Variants in AGPAT4 observed in about 807,000 individuals in gnomAD.
The protein encoded by AGPAT4 is 1-acylglycerol-3-phosphate O-acyltransferase 4.
In AGPAT4, 15 loss-of-function variants were observed where a neutral mutation model predicts 48.0. The ratio of observed to expected loss-of-function variants is 0.31; its 90% confidence interval spans 0.21 to 0.48. The LOEUF (loss-of-function observed/expected upper bound fraction) is 0.48, where lower values mean the gene tolerates loss of function less well. Ranked by LOEUF, AGPAT4 falls within the 20% of genes least tolerant of loss-of-function variation. The pLI, the probability that AGPAT4 is intolerant of heterozygous loss-of-function variation, is 0.99. For synonymous variants in AGPAT4, 178 were observed against 198.7 expected, an observed-to-expected ratio of 0.90 and a Z score of 0.88; for missense variants, 314 against 482.5, an observed-to-expected ratio of 0.65 and a Z score of 3.27.
chr6:161,211,456 TC>T (rs1250281253), intron 2 of AGPAT4, among the ~76,000 whole-genome samples: 1 of 152,112 alleles, frequency 6.6e-6, no homozygotes, highest in Non-Finnish European at 1.5e-5. Flanking sequence ...TACAGAGGTT[TC>T]TTTGGCAAGA....
chr6:161,203,505 C>T (rs1781299495), intron 2 of AGPAT4, among the ~76,000 whole-genome samples: 1 of 151,666 alleles, frequency 6.6e-6, no homozygotes, highest in Non-Finnish European at 1.5e-5. Context: ...TCTCCTGCCC[C>T]GGCCCCCCAA....
At chr6:161,199,730 C>T (rs1338501989) in intron 2 of AGPAT4, among the ~76,000 whole-genome samples, 6 of 152,138 alleles carry the variant, frequency 3.9e-5, no homozygotes, top group African/African-American at 1.4e-4. Context: ...CGTGCAGCAC[C>T]TCCCCCTTTA....
Position 161,204,533 on chromosome 6 carries a change from G to A in AGPAT4, c.178+27503C>T, listed in dbSNP as rs1366105875. On this transcript the variant is annotated intron_variant, in intron 2 of 8. Coordinates refer to ENST00000320285, the MANE Select transcript of AGPAT4 (RefSeq NM_020133.3). This position sits in a 1 kb window ranked among gnomAD's most constrained non-coding sequence, Gnocchi z 4.4. ...TTCCAGCTATATTTATCCTTCAGCT[G>A]AAGACAATTATCTAGAAACAGCACT... is the stretch of plus-strand genomic sequence containing the variant. Among the ~76,000 whole-genome samples, 2 of 152,234 alleles carry A rather than the reference G, an allele frequency of 1.3e-5. No homozygotes were observed. The highest frequency in any genetic ancestry group is 1.9e-4 in the East Asian group (1 of 5,184).
Position 161,189,010 on chromosome 6 carries a change from C to T in AGPAT4, c.179-22593G>A, listed in dbSNP as rs753826364. 7.2e-5 allele frequency among the ~76,000 whole-genome samples: 11 copies of T among 152,168 alleles called. No homozygotes were observed. Among genetic ancestry groups the T allele is most frequent in the Non-Finnish European group, 1.2e-4 (8 of 68,038 alleles). On this transcript the variant is annotated intron_variant, in intron 2 of 8. Coordinates refer to ENST00000320285, the MANE Select transcript of AGPAT4 (RefSeq NM_020133.3). This position sits in a 1 kb window ranked among gnomAD's most constrained non-coding sequence, Gnocchi z 5.3. ...CCTCTTGCTTTGCTGGCCTCGTGCA[C>T]GTGCAGAACACGTGTTTCTTAGAAT...
chr6:161,145,677 C>T (rs749860055), intron 7 of AGPAT4, among the ~76,000 whole-genome samples: 2 of 151,584 alleles, frequency 1.3e-5, no homozygotes, highest in Non-Finnish European at 2.9e-5. Flanking sequence ...CAGAGGACAT[C>T]CTGCAAAGCT....
chr6:161,230,608 A>G (rs1179841952), intron 2 of AGPAT4, among the ~76,000 whole-genome samples: 1 of 152,172 alleles, frequency 6.6e-6, no homozygotes, highest in East Asian at 1.9e-4. Flanking sequence ...CCCTGTTTGG[A>G]CAAGTTTTTC....
chr6:161,208,728 T>C lies in AGPAT4; in HGVS notation c.178+23308A>G, dbSNP rs1035808531. Among the ~76,000 whole-genome samples, 11 of 152,234 alleles carry C rather than the reference T, an allele frequency of 7.2e-5. 1 individual carries two copies. Among genetic ancestry groups the C allele is most frequent in the Admixed American group, 7.2e-4 (11 of 15,286 alleles). ...GTCTATGTGTTCAAAAGAAAACTAT[T>C]TGGTGCTGATTTATTTAAATAAAAA... On this transcript the variant is annotated intron_variant, in intron 2 of 8. Transcript: ENST00000320285. The surrounding 1 kb of genome is among the most constrained non-coding windows in gnomAD (Gnocchi z 4.6).
chr6:161,186,943 A>T (rs1258933594), intron 2 of AGPAT4, among the ~76,000 whole-genome samples: 1 of 152,206 alleles, frequency 6.6e-6, no homozygotes, highest in Non-Finnish European at 1.5e-5. Context: ...CTCCCTTAGG[A>T]GTAGTCTCTC....
chr6:161,207,756 T>C (rs1778711451), intron 2 of AGPAT4, among the ~76,000 whole-genome samples: 3 of 152,130 alleles, frequency 2.0e-5, no homozygotes, highest in Admixed American at 2.0e-4. Flanking sequence ...AGGTTGGATA[T>C]GGGGCAAGGA....
At position 161,137,816 on chromosome 6, in the gene AGPAT4, G is replaced by A. The variant is rs1216975799; in HGVS notation, c.1043-1182C>T. Among the ~76,000 whole-genome samples, 1 of 151,688 alleles carries A rather than the reference G, an allele frequency of 6.6e-6. No individual in the cohort carries two copies. The highest frequency in any genetic ancestry group is 1.9e-4 in the East Asian group (1 of 5,190). ...CACACTGCACCCCTCAGATGCTCCT[G>A]AAGACTCCCTGTGTCCACACTGCAC... is the stretch of plus-strand genomic sequence containing the variant. On this transcript the variant is annotated intron_variant, in intron 8 of 8. Transcript: ENST00000320285. This position sits in a 1 kb window ranked among gnomAD's most constrained non-coding sequence, Gnocchi z 6.1.
At chr6:161,260,072 C>T (rs909499191) in intron 1 of AGPAT4, among the ~76,000 whole-genome samples, 9 of 152,290 alleles carry the variant, frequency 5.9e-5, no homozygotes, top group African/African-American at 2.2e-4. Flanking sequence ...AGGGCTTTAA[C>T]AAAAGCACAG....
rs1285288926 is a variant in AGPAT4, at chr6:161,139,300, A to G, written c.1042+122T>C. On this transcript the variant is annotated intron_variant, in intron 8 of 8. Coordinates refer to ENST00000320285, the MANE Select transcript of AGPAT4 (RefSeq NM_020133.3). The surrounding 1 kb of genome is among the most constrained non-coding windows in gnomAD (Gnocchi z 9.1). ...AGTCTAATCTTTCCCTGTGATTGCA[A>G]GCTGAGCCTGCTCCTCATCCACGGC... The G allele has an allele frequency of 2.7e-6, 3 of 1,124,464 alleles. No homozygotes were observed. The highest frequency in any genetic ancestry group is 3.8e-6 in the Non-Finnish European group (3 of 781,494). 69.7% of individuals were successfully genotyped at this position (1,124,464 alleles called of 1,614,324 possible).
At chr6:161,230,123 T>G (rs1049058703) in intron 2 of AGPAT4, among the ~76,000 whole-genome samples, 3 of 152,182 alleles carry the variant, frequency 2.0e-5, no homozygotes, top group African/African-American at 7.2e-5. Flanking sequence ...CAGAAACAAA[T>G]ACACTAATGC....
At chr6:161,156,321 GT>G (rs1488567085) in intron 3 of AGPAT4, among the ~76,000 whole-genome samples, 1 of 152,164 alleles carries the variant, frequency 6.6e-6, no homozygotes, top group African/African-American at 2.4e-5. Context: ...TCTTGTCCAT[GT>G]GCCTATTGTC....
intron 2 of AGPAT4, among the ~76,000 whole-genome samples, chr6:161,194,526 CTG>C (rs897145908): frequency 1.4e-5 from 2 of 147,424 alleles, no homozygotes; most frequent in Admixed American, 6.8e-5. Flanking sequence ...ATGTGTGTGT[CTG>C]TGTGTCTATG....
In AGPAT4 at chr6:161,140,160, A is replaced by G. The variant is rs1275331628; in HGVS notation, c.844-540T>C. Among the ~76,000 whole-genome samples the G allele has an allele frequency of 2.0e-5, 3 of 151,444 alleles. No homozygotes were observed. The highest frequency in any genetic ancestry group is 4.4e-5 in the Non-Finnish European group (3 of 67,798). On this transcript the variant is annotated intron_variant, in intron 7 of 8. Transcript: ENST00000320285. The surrounding 1 kb of genome is among the most constrained non-coding windows in gnomAD (Gnocchi z 6.5). ...CTCGGGCAGCCCACCCGCACCTACC[A>G]CCCTGTTTGCCACTGGAGGGCTCTG...
rs1780277115 is a variant in AGPAT4 at position 161,171,926 on chromosome 6, C to CAAAAAA, written c.179-5510_179-5509insTTTTTT. On this transcript the variant is annotated intron_variant, in intron 2 of 8. Coordinates refer to ENST00000320285, the MANE Select transcript of AGPAT4 (RefSeq NM_020133.3). The surrounding 1 kb of genome is among the most constrained non-coding windows in gnomAD (Gnocchi z 4.4). The stretch of plus-strand genomic sequence containing the variant: ...AAAACAAAAAACAAAAAACAAAAAA[C>CAAAAAA]CAAAAGTTTCCAACACATGAACTCT... Among the ~76,000 whole-genome samples the CAAAAAA allele has an allele frequency of 6.6e-6, 1 of 151,594 alleles. No individual in the cohort carries two copies. Among genetic ancestry groups the CAAAAAA allele is most frequent in the Non-Finnish European group, 1.5e-5 (1 of 67,898 alleles).
intron 2 of AGPAT4, among the ~76,000 whole-genome samples, chr6:161,224,305 G>A (rs1006875984): frequency 1.3e-5 from 2 of 152,126 alleles, no homozygotes; most frequent in Non-Finnish European, 2.9e-5. Flanking sequence ...TATAACATGT[G>A]GCAAGTAGAA....
chr6:161,160,851 G>C, intron 3 of AGPAT4: 2 of 383,270 alleles, frequency 5.2e-6, no homozygotes, highest in South Asian at 3.8e-5. Context: ...GGAAGGCAGA[G>C]CAGAGGCGTT....
Sources: gnomAD v4.1 joint callset for allele counts (sites outside exome capture counted in the v4.1 genomes callset) on GRCh38, gnomAD v4.1.1 for gene constraint, Gnocchi (gnomAD v3.1) non-coding constraint, MANE v1.5 for transcripts, NCBI Gene and HGNC (gene_info 2026-07-23, HGNC 2026-07-21) for gene names.